ARHGAP20: variants seen among roughly 807,000 people sequenced by gnomAD.
ARHGAP20 encodes the protein Rho GTPase activating protein 20.
Under a neutral mutation model 73.7 loss-of-function variants are expected in ARHGAP20, and 34 were observed. That is an observed-to-expected ratio of 0.46 (90% CI 0.35 to 0.61). ARHGAP20 has a LOEUF of 0.61. Among genes scored for constraint, ARHGAP20 ranks in the 20% least tolerant of loss-of-function variants. The pLI, the probability that ARHGAP20 is intolerant of heterozygous loss-of-function variation, is 0.00. For synonymous variants in ARHGAP20, 523 were observed against 518.2 expected, an observed-to-expected ratio of 1.01 and a Z score of -0.13; for missense variants, 1,314 against 1,420.9, an observed-to-expected ratio of 0.92 and a Z score of 1.21.
intron 11 of ARHGAP20, among the ~76,000 whole-genome samples, chr11:110,589,143 T>C (rs115771399): frequency 0.011 from 1,629 of 152,296 alleles, 26 homozygotes; most frequent in African/African-American, 0.035. Flanking sequence ...AAAGGAAAAT[T>C]TATCATGCAT....
Position 110,578,577 on chromosome 11 carries a change from G to C in ARHGAP20, c.*793C>G. 1 of 985,402 alleles carries C rather than the reference G, an allele frequency of 1.0e-6. No homozygotes were observed. Among genetic ancestry groups the C allele is most frequent in the Non-Finnish European group, 1.2e-6 (1 of 829,928 alleles). The allele number at this position is 985,402 out of a possible 1,614,324, so 61.0% of individuals were successfully genotyped here. A position where few individuals can be genotyped will look rare whatever the true frequency, so the allele number is the denominator to read the frequency against. ...TCTAAATAGAAGAAGTTGCATTTCTGAAGAATGTTCCTAGGCAGAGATACC... is the reference window on the plus strand; with the variant it reads ...TCTAAATAGAAGAAGTTGCATTTCTCAAGAATGTTCCTAGGCAGAGATACC... On this transcript the variant is annotated 3_prime_UTR_variant, in exon 15 of 15. Coordinates refer to ENST00000683387, the MANE Select transcript of ARHGAP20 (RefSeq NM_001384657.1).
intron 2 of ARHGAP20, among the ~76,000 whole-genome samples, chr11:110,687,460 T>C (rs1309269674): frequency 6.6e-6 from 1 of 152,156 alleles, no homozygotes; most frequent in Non-Finnish European, 1.5e-5. Flanking sequence ...GAAGAAGTGA[T>C]AGGGAGGCAG....
intron 4 of ARHGAP20, among the ~76,000 whole-genome samples, chr11:110,617,261 C>T (rs1472281153): frequency 6.7e-6 from 1 of 149,156 alleles, no homozygotes; most frequent in Non-Finnish European, 1.5e-5. Context: ...TTTTCTTTTT[C>T]TTTCTTTTTT....
chr11:110,636,389 T>C (rs1948968608), intron 2 of ARHGAP20, among the ~76,000 whole-genome samples: 1 of 152,118 alleles, frequency 6.6e-6, no homozygotes, highest in Non-Finnish European at 1.5e-5. Context: ...TTATTATTAT[T>C]ATTTTGCTTG....
In ARHGAP20 at chr11:110,579,836, C is replaced by A; in HGVS notation, c.3110G>T (p.Trp1037Leu). 1 of 1,614,208 alleles carries A rather than the reference C, an allele frequency of 6.2e-7. No homozygotes were observed. Residue 1037 changes from tryptophan to leucine, a missense_variant, in exon 15 of 15, where the codon TGG becomes TTG. By Grantham distance (61) the Trp-to-Leu change is moderately conservative. Around this residue, in one of 3 missense-constraint regions of ARHGAP20, gnomAD observed 641 missense variants for 636.9 expected, o/e 1.01. Coordinates refer to ENST00000683387, the MANE Select transcript of ARHGAP20 (RefSeq NM_001384657.1). ...MHSVTLHPST[W>L]LRNGVASLKN... is the part of the protein sequence containing the mutation. ...CAAACTGGCCACACCATTTCTCAAC[C>A]ATGTGCTGGGATGAAGAGTTACAGA... is the stretch of plus-strand genomic sequence containing the variant.
chr11:110,691,852 A>T (rs1950248059), intron 1 of ARHGAP20, among the ~76,000 whole-genome samples: 1 of 152,192 alleles, frequency 6.6e-6, no homozygotes, highest in African/African-American at 2.4e-5. Context: ...CAACAGCTGG[A>T]ATAATTATGT....
intron 2 of ARHGAP20, among the ~76,000 whole-genome samples, chr11:110,689,832 C>A (rs963795409): frequency 1.3e-5 from 2 of 152,090 alleles, no homozygotes; most frequent in African/African-American, 4.8e-5. Flanking sequence ...CATACAAAAT[C>A]CCCCACATCA....
chr11:110,677,298 A>C (rs1949951085), intron 2 of ARHGAP20, among the ~76,000 whole-genome samples: 1 of 152,206 alleles, frequency 6.6e-6, no homozygotes, highest in South Asian at 2.1e-4. Flanking sequence ...TCCTCCCAAA[A>C]GACATACAAA....
At chr11:110,652,486 C>A (rs1199665627) in intron 2 of ARHGAP20, among the ~76,000 whole-genome samples, 1 of 152,098 alleles carries the variant, frequency 6.6e-6, no homozygotes, top group Non-Finnish European at 1.5e-5. Context: ...CTGAAAACCT[C>A]CTTCGTCTCA....
At chr11:110,595,128 T>C (rs889109070) in intron 9 of ARHGAP20, among the ~76,000 whole-genome samples, 2 of 151,676 alleles carry the variant, frequency 1.3e-5, no homozygotes, top group African/African-American at 4.9e-5. Context: ...AAATTAGGTA[T>C]TGATGGGACG....
At chr11:110,635,720 G>A (rs1012406937) in intron 2 of ARHGAP20, among the ~76,000 whole-genome samples, 7 of 151,910 alleles carry the variant, frequency 4.6e-5, no homozygotes, top group Non-Finnish European at 7.4e-5. Context: ...GGGAAAAGGA[G>A]TTTCTATGCT....
chr11:110,632,802 T>G (rs1186323333), intron 2 of ARHGAP20, among the ~76,000 whole-genome samples: 1 of 152,236 alleles, frequency 6.6e-6, no homozygotes, highest in Non-Finnish European at 1.5e-5. Flanking sequence ...TCAAATCTTT[T>G]GCTCATTTAA....
chr11:110,704,866 G>A (rs566206839), intron 1 of ARHGAP20, among the ~76,000 whole-genome samples: 1 of 152,004 alleles, frequency 6.6e-6, no homozygotes, highest in African/African-American at 2.4e-5. Flanking sequence ...TACTTTAAAG[G>A]TTTATACCAA....
At chr11:110,589,464 A>G in intron 11 of ARHGAP20, 1 of 985,466 alleles carries the variant, frequency 1.0e-6, no homozygotes. Flanking sequence ...AATCTTCTTC[A>G]CCATATTTTC....
intron 9 of ARHGAP20, among the ~76,000 whole-genome samples, chr11:110,605,281 A>G (rs1948197709): frequency 1.3e-5 from 2 of 152,214 alleles, no homozygotes; most frequent in African/African-American, 4.8e-5. Flanking sequence ...TAGAATGAAC[A>G]AAGGCTGGCT....
At chr11:110,699,488 A>G (rs575503060) in intron 1 of ARHGAP20, among the ~76,000 whole-genome samples, 3 of 152,020 alleles carry the variant, frequency 2.0e-5, no homozygotes, top group Admixed American at 1.3e-4. Context: ...CTGTCCAGTG[A>G]TATCAGTGGG....
At chr11:110,691,389 G>A (rs974786007) in intron 1 of ARHGAP20, among the ~76,000 whole-genome samples, 2 of 152,010 alleles carry the variant, frequency 1.3e-5, no homozygotes, top group East Asian at 3.9e-4. Context: ...AGCCATGAGC[G>A]AAGTTCAGGC....
intron 2 of ARHGAP20, among the ~76,000 whole-genome samples, chr11:110,674,335 T>G (rs1949888555): frequency 6.6e-6 from 1 of 152,168 alleles, no homozygotes; most frequent in African/African-American, 2.4e-5. Flanking sequence ...TGGCACCTGG[T>G]AAGCACTCCG....
chr11:110,655,310 G>A (rs1949441227), intron 2 of ARHGAP20, among the ~76,000 whole-genome samples: 1 of 152,306 alleles, frequency 6.6e-6, no homozygotes, highest in Non-Finnish European at 1.5e-5. Context: ...AGTAGGAAGA[G>A]TCACTGTCTT....
Sources: gnomAD v4.1 joint callset for allele counts (sites outside exome capture counted in the v4.1 genomes callset) on GRCh38, gnomAD v4.1.1 for gene constraint, gnomAD v4.1.1 regional missense constraint, MANE v1.5 for transcripts, NCBI Gene and HGNC (gene_info 2026-07-23, HGNC 2026-07-21) for gene names.